Variants in FXR1 observed in about 807,000 individuals in gnomAD.
FXR1 encodes the protein RNA-binding protein FXR1.
Under a neutral mutation model 84.0 loss-of-function variants are expected in FXR1, and 15 were observed. The observed-to-expected ratio is 0.18, with a 90% CI of 0.12 to 0.27. The LOEUF (loss-of-function observed/expected upper bound fraction) is 0.27. Ranked by LOEUF, FXR1 falls within the 10% of genes least tolerant of loss-of-function variation. The pLI is 1.00. For synonymous variants in FXR1, 245 were observed against 250.7 expected (o/e 0.98, Z 0.21); for missense variants, 480 against 774.4 (o/e 0.62, Z 4.51).
At chr3:180,968,639 A>G (rs1021878307) in intron 14 of FXR1, among the ~76,000 whole-genome samples, 3 of 152,274 alleles carry the variant, frequency 2.0e-5, no homozygotes, top group African/African-American at 2.4e-5. Flanking sequence ...GTACTTTTCT[A>G]TACTTAATAT....
chr3:180,967,958 T>A, intron 13 of FXR1, 93 bp from the exon 14 acceptor site: 1 of 808,138 alleles, frequency 1.2e-6, no homozygotes, highest in Non-Finnish European at 2.1e-6. Flanking sequence ...ACAGTATTGC[T>A]TATTTAAACA....
Position 180,970,254 on chromosome 3 carries a change from C to T in FXR1, c.1499C>T (p.Thr500Ile). 1.9e-6 allele frequency: 3 copies of T among 1,600,214 alleles called. No homozygotes were observed. The highest frequency in any genetic ancestry group is 1.1e-5 in the South Asian group (1 of 90,806). ...DTDASESHHS[T>I]NRRRRSRRRR... ...GATGCCAGCGAATCTCATCACAGTACTAACCGTCGTAGGCGGTCTCGTAGA... is the reference window on the plus strand; with the variant it reads ...GATGCCAGCGAATCTCATCACAGTATTAACCGTCGTAGGCGGTCTCGTAGA... The change falls in exon 15 of 17, where the codon ACT becomes ATT. Residue 500 changes from threonine to isoleucine, a missense_variant. Coordinates refer to ENST00000357559, the MANE Select transcript of FXR1 (RefSeq NM_005087.4).
intron 13 of FXR1, among the ~76,000 whole-genome samples, chr3:180,964,633 C>T (rs1462568679): frequency 2.7e-5 from 4 of 147,842 alleles, no homozygotes; most frequent in East Asian, 2.0e-4. Flanking sequence ...TGGTTGTAGA[C>T]GTTCATGTAT....
At chr3:180,966,051 G>A (rs2108488615) in intron 13 of FXR1, among the ~76,000 whole-genome samples, 1 of 152,080 alleles carries the variant, frequency 6.6e-6, no homozygotes, top group East Asian at 1.9e-4. Flanking sequence ...GTATAGGTTT[G>A]TAAATAAATT....
At chr3:180,965,649 C>T (rs1003698696) in intron 13 of FXR1, among the ~76,000 whole-genome samples, 1 of 152,166 alleles carries the variant, frequency 6.6e-6, no homozygotes, top group Non-Finnish European at 1.5e-5. Flanking sequence ...TTTGGACCCA[C>T]CTGGATAATC....
At chr3:180,937,773 G>A (rs530069040) in intron 3 of FXR1, among the ~76,000 whole-genome samples, 8 of 152,038 alleles carry the variant, frequency 5.3e-5, no homozygotes, top group Admixed American at 2.6e-4. Context: ...GTAACGTTTC[G>A]AAAGCCTCTT....
intron 1 of FXR1, among the ~76,000 whole-genome samples, chr3:180,931,277 G>A (rs1294923648): frequency 6.6e-6 from 1 of 151,540 alleles, no homozygotes; most frequent in Admixed American, 6.6e-5. Context: ...GGAGTGTAGT[G>A]GTGTAGCCTC....
Position 180,978,819 on chromosome 3 carries a change from A to C in FXR1, c.*2527A>C, listed in dbSNP as rs1056442782. 5 of 152,136 alleles carry C rather than the reference A, an allele frequency of 3.3e-5. No homozygotes were observed. Among genetic ancestry groups the C allele is most frequent in the African/African-American group, 1.2e-4 (5 of 41,440 alleles). The allele number at this position is 152,136 out of a possible 1,614,324, so 9.4% of individuals were successfully genotyped here. On this transcript the variant is annotated 3_prime_UTR_variant, in exon 17 of 17. Coordinates refer to ENST00000357559, the MANE Select transcript of FXR1 (RefSeq NM_005087.4). ...GAATCATGAAGTAACAGCTGAGATT[A>C]TATGGTGGCAAAAATGACCTGCTTT...
In FXR1 at chr3:180,978,444, C is replaced by A. The variant is rs536898801; in HGVS notation, c.*2152C>A. 6.6e-6 allele frequency: 1 copy of A among 151,862 alleles called. No homozygotes were observed. Among genetic ancestry groups the A allele is most frequent in the Non-Finnish European group, 1.5e-5 (1 of 67,950 alleles). The allele number at this position is 151,862 out of a possible 1,614,324, so 9.4% of individuals were successfully genotyped here. ...ATACGCATTTGTTTTTTTAGAGAGC[C>A]CCACTCCCCAAAGGGTAGCCATTAA... On this transcript the variant is annotated 3_prime_UTR_variant, in exon 17 of 17. Coordinates refer to ENST00000357559, the MANE Select transcript of FXR1 (RefSeq NM_005087.4).
At chr3:180,976,006 TGTG>T (rs1714193045) in intron 16 of FXR1, 113 bp from the exon 17 acceptor site, 7 of 676,350 alleles carry the variant, frequency 1.0e-5, no homozygotes, top group South Asian at 2.1e-5. Flanking sequence ...TTTGATCCAT[TGTG>T]GTATATAAAA....
chr3:180,959,217 T>A (rs1199162699), intron 10 of FXR1, among the ~76,000 whole-genome samples: 2 of 152,242 alleles, frequency 1.3e-5, no homozygotes, highest in Non-Finnish European at 2.9e-5. Flanking sequence ...ATTCGTTAAT[T>A]CTGATCCTAG....
chr3:180,937,958 A>G (rs569836645), intron 3 of FXR1, among the ~76,000 whole-genome samples: 2 of 152,284 alleles, frequency 1.3e-5, no homozygotes, highest in South Asian at 4.1e-4. Flanking sequence ...TTGCATGTAT[A>G]AAGGACATAT....
intron 1 of FXR1, among the ~76,000 whole-genome samples, chr3:180,925,379 A>C (rs534572930): frequency 1.3e-5 from 2 of 148,186 alleles, no homozygotes; most frequent in African/African-American, 4.9e-5. Flanking sequence ...AAAAAAGTAC[A>C]TTCCTCTGTT....
intron 1 of FXR1, among the ~76,000 whole-genome samples, chr3:180,925,529 G>A (rs2108432383): frequency 6.6e-6 from 1 of 152,210 alleles, no homozygotes; most frequent in Middle Eastern, 3.4e-3. Flanking sequence ...TTCTTCGTTG[G>A]TTTGCTGACT....
At chr3:180,975,481 T>C (rs944617320) in intron 16 of FXR1, 77 bp downstream of exon 16, 1 of 572,512 alleles carries the variant, frequency 1.7e-6, no homozygotes, top group Non-Finnish European at 3.1e-6. Context: ...TTACTACTTT[T>C]ACTGTGTGAT....
intron 13 of FXR1, among the ~76,000 whole-genome samples, chr3:180,964,701 A>ATATATAT (rs10530708): frequency 4.2e-5 from 6 of 141,960 alleles, no homozygotes; most frequent in African/African-American, 1.6e-4. Flanking sequence ...ATATATATAT[A>ATATATAT]ATGAGTACTG....
chr3:180,962,979 A>G, intron 12 of FXR1, 39 bp downstream of exon 12: 1 of 1,609,802 alleles, frequency 6.2e-7, no homozygotes. Context: ...AGGGCCTGAA[A>G]AAGAGAAAGG....
rs1438494353 is a variant in FXR1, at chr3:180,980,968, TG to T, written c.*4677del. On this transcript the variant is annotated 3_prime_UTR_variant, in exon 17 of 17. Transcript: ENST00000357559. ...TGTTTACATAAAATTTACAGGGTTT[TG>T]TTTTTTTAAGCTTAGTCTGTTCTTT... 3.3e-5 allele frequency: 5 copies of T among 152,210 alleles called. No individual in the cohort carries two copies. Among genetic ancestry groups the T allele is most frequent in the East Asian group, 1.9e-4 (1 of 5,176 alleles). The allele number at this position is 152,210 out of a possible 1,614,324, so 9.4% of individuals were successfully genotyped here. A position where few individuals can be genotyped will look rare whatever the true frequency, so the allele number is the denominator to read the frequency against.
At position 180,933,364 on chromosome 3, in the gene FXR1, CT is replaced by C; in HGVS notation, c.84del (p.Thr29GlnfsTer27). The C allele has an allele frequency of 6.3e-7, 1 of 1,576,732 alleles. No homozygotes were observed. The highest frequency in any genetic ancestry group is 8.7e-7 in the Non-Finnish European group (1 of 1,146,552). ...GFIKDVHEDS[L>X]TVVFENNWQP... ...TATCAAAGATGTTCATGAAGACTCC[CT>C]TACAGTTGTTTTTGAAAATAAGTAA... On this transcript the variant is annotated frameshift_variant, in exon 2 of 17. Transcript: ENST00000357559. LOFTEE classifies it high-confidence loss of function.
Sources: gnomAD v4.1 joint callset for allele counts (sites outside exome capture counted in the v4.1 genomes callset) on GRCh38, gnomAD v4.1.1 for gene constraint, MANE v1.5 for transcripts, NCBI Gene and HGNC (gene_info 2026-07-23, HGNC 2026-07-21) for gene names.